PTPRQ: variants seen among roughly 807,000 people sequenced by gnomAD.
PTPRQ encodes protein tyrosine phosphatase receptor type Q, also known as phosphatidylinositol phosphatase PTPRQ.
A neutral mutation model predicts 246.0 loss-of-function variants in PTPRQ; 199 were observed. That is an observed-to-expected ratio of 0.81 (90% CI 0.72 to 0.91). The LOEUF (loss-of-function observed/expected upper bound fraction) is 0.91. PTPRQ is among the 40% of genes least tolerant of loss of function. The pLI is 0.00. For missense variants in PTPRQ, 2,624 were observed against 2,528.4 expected (o/e 1.04, Z -0.81); for synonymous variants, 869 against 853.2 (o/e 1.02, Z -0.32).
chr12:80,584,796 T>C (rs1216608798), intron 25 of PTPRQ, among the ~76,000 whole-genome samples: 1 of 152,164 alleles, frequency 6.6e-6, no homozygotes, highest in Non-Finnish European at 1.5e-5. Flanking sequence ...ATGTATCTTA[T>C]GTTCAGATGA....
chr12:80,580,750 G>A lies in PTPRQ; in HGVS notation c.4286-7379G>A, dbSNP rs1279432941. Reference sequence around the variant, plus strand: ...GATTTTGTACCACATGAAAACAAAAGGCTGTTTCAATGAACCATCATTTAT... The same window carrying A: ...GATTTTGTACCACATGAAAACAAAAAGCTGTTTCAATGAACCATCATTTAT... On this transcript the variant is annotated intron_variant, in intron 25 of 44. Transcript: ENST00000644991. Among the ~76,000 whole-genome samples, 5 of 152,206 alleles carry A rather than the reference G, an allele frequency of 3.3e-5. No homozygotes were observed. In the East Asian group the frequency reaches 9.7e-4, roughly 29 times the overall value.
In PTPRQ at chr12:80,616,236, G is replaced by T; in HGVS notation, c.5200G>T (p.Val1734Phe). ...CAATAGTGCTGGTGCAGGTCCAAAG[G>T]TTCCGATGAGAATAACCATGGATAT... is the stretch of plus-strand genomic sequence containing the variant. ...AVNSAGAGPK[V>F]PMRITMDIKA... Residue 1734 changes from valine to phenylalanine, a missense_variant, in exon 30 of 45, where the codon GTT (valine) becomes TTT (phenylalanine). Transcript: ENST00000644991. 1 of 1,494,656 alleles carries T rather than the reference G, an allele frequency of 6.7e-7. No individual in the cohort carries two copies. The highest frequency in any genetic ancestry group is 1.3e-5 in the South Asian group (1 of 74,738). 92.6% of individuals were successfully genotyped at this position (1,494,656 alleles called of 1,614,324 possible).
intron 27 of PTPRQ, among the ~76,000 whole-genome samples, 166 bp downstream of exon 27, chr12:80,605,346 A>G (rs1898277149): frequency 6.6e-6 from 1 of 151,346 alleles, no homozygotes; most frequent in Admixed American, 6.6e-5. Flanking sequence ...ATAATAGTAA[A>G]CAGGGTATGA....
intron 26 of PTPRQ, among the ~76,000 whole-genome samples, chr12:80,601,944 TC>T (rs1399609785): frequency 6.6e-6 from 1 of 151,778 alleles, no homozygotes; most frequent in East Asian, 1.9e-4. Flanking sequence ...TGTGTATGAT[TC>T]CTTGATACCT....
chr12:80,621,621 T>A (rs1376098135), intron 32 of PTPRQ, among the ~76,000 whole-genome samples: 1 of 152,076 alleles, frequency 6.6e-6, no homozygotes, highest in Non-Finnish European at 1.5e-5. Flanking sequence ...TGTGTTTATA[T>A]GTGAACAAGA....
chr12:80,497,276 A>G lies in PTPRQ; in HGVS notation c.2272+745A>G, dbSNP rs192344846. On this transcript the variant is annotated intron_variant, in intron 14 of 44. Coordinates refer to ENST00000644991, the MANE Select transcript of PTPRQ (RefSeq NM_001145026.2). ...ACTAGATGGTCCTATCTGGGGGGTA[A>G]TGGGAGACAATGACAGATCATCAGG... is the stretch of plus-strand genomic sequence containing the variant. Among the ~76,000 whole-genome samples, 19 of 151,790 alleles carry G rather than the reference A, an allele frequency of 1.3e-4. No individual in the cohort carries two copies. The East Asian group carries it at 2.9e-3, about 23-fold the overall frequency.
chr12:80,462,033 G>C (rs1002667341), intron 6 of PTPRQ: 2 of 700,518 alleles, frequency 2.9e-6, no homozygotes, highest in Non-Finnish European at 5.2e-6. Flanking sequence ...CGTGCAGTGC[G>C]CCGTGAGAGA....
At chr12:80,660,146 C>T (rs564648937) in intron 39 of PTPRQ, among the ~76,000 whole-genome samples, 20 of 151,986 alleles carry the variant, frequency 1.3e-4, no homozygotes, top group South Asian at 4.2e-4. Context: ...GAATGGATTC[C>T]GGGTTTCAAT....
Position 80,670,556 on chromosome 12 carries a change from G to T in PTPRQ, c.6602+64G>T, listed in dbSNP as rs566438117. On this transcript the variant is annotated intron_variant, in intron 42 of 44. Transcript: ENST00000644991. ...TCTTTTTATTATTAAAATTCCATTG[G>T]TTATTTTTTATAAAATGTTCATGTA... 1.9e-5 allele frequency: 26 copies of T among 1,401,724 alleles called. No individual in the cohort carries two copies. In the Admixed American group the frequency reaches 7.6e-4, roughly 41 times the overall value. 86.8% of individuals were successfully genotyped at this position (1,401,724 alleles called of 1,614,324 possible).
chr12:80,581,781 C>T (rs1324784048), intron 25 of PTPRQ, among the ~76,000 whole-genome samples: 5 of 151,944 alleles, frequency 3.3e-5, no homozygotes, highest in South Asian at 2.1e-4. Flanking sequence ...CAAAGCCATA[C>T]ACCCAATAGA....
In PTPRQ at chr12:80,542,214, C is replaced by A; in HGVS notation, c.3571C>A (p.Pro1191Thr). The A allele has an allele frequency of 6.4e-7, 1 of 1,550,954 alleles. No individual in the cohort carries two copies. The highest frequency in any genetic ancestry group is 8.7e-7 in the Non-Finnish European group (1 of 1,146,576). ...AAGTTATGATTTAACTTTACAAGGA[C>A]CAAATGAAAATTATTCTTTCATTAC... ...IISYDLTLQGPNENYSFITSD... is the reference protein window; with the variant it reads ...IISYDLTLQGTNENYSFITSD... Residue 1191 changes from proline (P) to threonine (T), a missense_variant, in exon 22 of 45, where the codon CCA becomes ACA. Transcript: ENST00000644991.
chr12:80,455,832 C>A (rs540381555), intron 3 of PTPRQ, among the ~76,000 whole-genome samples: 83 of 152,128 alleles, frequency 5.5e-4, no homozygotes, highest in Non-Finnish European at 1.0e-3. Flanking sequence ...AACTCCTGAC[C>A]TCGTGATTCG....
At chr12:80,450,224 T>G (rs2120412096) in intron 3 of PTPRQ, among the ~76,000 whole-genome samples, 1 of 152,324 alleles carries the variant, frequency 6.6e-6, no homozygotes, top group East Asian at 1.9e-4. Context: ...TGTACATTGA[T>G]TTTGTATCCT....
intron 33 of PTPRQ, among the ~76,000 whole-genome samples, chr12:80,623,297 T>G (rs1899066708): frequency 6.6e-6 from 1 of 152,120 alleles, no homozygotes. Context: ...CTTGAAGAAA[T>G]AGAGGGGGCA....
chr12:80,500,630 T>G (rs777656167), intron 14 of PTPRQ, among the ~76,000 whole-genome samples: 1 of 152,038 alleles, frequency 6.6e-6, no homozygotes, highest in Admixed American at 6.6e-5. Flanking sequence ...CCCAATCTTT[T>G]ATCTATCTGT....
At chr12:80,559,836 C>A (rs1896773405) in intron 25 of PTPRQ, among the ~76,000 whole-genome samples, 1 of 152,272 alleles carries the variant, frequency 6.6e-6, no homozygotes, top group East Asian at 1.9e-4. Flanking sequence ...CCCCTCCCCT[C>A]TCCTGTCCAC....
At chr12:80,595,031 T>C (rs944296625) in intron 26 of PTPRQ, among the ~76,000 whole-genome samples, 1 of 152,220 alleles carries the variant, frequency 6.6e-6, no homozygotes, top group African/African-American at 2.4e-5. Context: ...TTCTCACACA[T>C]GCACTGTTCT....
Position 80,506,572 on chromosome 12 carries a change from T to C in PTPRQ, c.2459T>C (p.Leu820Pro). ...TTSLTQNIKV[L>P]KKYTQYIIEV... The stretch of plus-strand genomic sequence containing the variant: ...TACCTATTTGATTTCTCTTTAGTAC[T>C]GAAGAAATATACCCAATATATCATT... The change falls in exon 16 of 45, where the codon CTG becomes CCG. Residue 820 changes from leucine to proline, a missense_variant. Transcript: ENST00000644991. The C allele has an allele frequency of 1.3e-6, 2 of 1,524,464 alleles. No homozygotes were observed. The highest frequency in any genetic ancestry group is 4.9e-5 in the East Asian group (2 of 40,510). 94.4% of individuals were successfully genotyped at this position (1,524,464 alleles called of 1,614,324 possible).
chr12:80,557,730 T>G (rs984912142), intron 25 of PTPRQ, among the ~76,000 whole-genome samples: 1 of 152,212 alleles, frequency 6.6e-6, no homozygotes, highest in African/African-American at 2.4e-5. Context: ...ATCCATTTTC[T>G]TCCAGTGGTA....
Sources: gnomAD v4.1 joint callset for allele counts (sites outside exome capture counted in the v4.1 genomes callset) on GRCh38, gnomAD v4.1.1 for gene constraint, MANE v1.5 for transcripts, NCBI Gene and HGNC (gene_info 2026-07-23, HGNC 2026-07-21) for gene names.